The following RBPMS2 variants were observed in gnomAD, a reference collection of about 807,000 sequenced individuals.
RBPMS2 encodes RNA binding protein, mRNA processing factor 2, also known as RNA-binding protein with multiple splicing 2.
In RBPMS2, 14 loss-of-function variants were observed where a neutral mutation model predicts 25.7. That is an observed-to-expected ratio of 0.55 (90% CI 0.36 to 0.85). The LOEUF (loss-of-function observed/expected upper bound fraction) is 0.85, where lower values mean the gene tolerates loss of function less well. RBPMS2 is among the 40% of genes least tolerant of loss of function. The probability of loss-of-function intolerance (pLI) is 0.01; values close to 1 mark genes in which losing one functional copy is unlikely to be tolerated. For missense variants in RBPMS2, 252 were observed against 283.4 expected (o/e 0.89, Z 0.80); for synonymous variants, 127 against 115.6 (o/e 1.10, Z -0.63).
chr15:64,749,611 G>T (rs1329297349), intron 3 of RBPMS2, 118 bp from the exon 4 acceptor site: 5 of 875,182 alleles, frequency 5.7e-6, no homozygotes, highest in Non-Finnish European at 8.5e-6. Flanking sequence ...CTGCTGATGA[G>T]AATACAAAAG....
intron 6 of RBPMS2, among the ~76,000 whole-genome samples, chr15:64,742,645 G>A (rs192791482): frequency 7.4e-4 from 112 of 152,248 alleles, no homozygotes; most frequent in Admixed American, 3.6e-3. Context: ...CGGGGGGAGC[G>A]GGACAACACA....
intron 1 of RBPMS2, among the ~76,000 whole-genome samples, chr15:64,768,076 G>A (rs1238529395): frequency 1.3e-5 from 2 of 152,226 alleles, no homozygotes; most frequent in Non-Finnish European, 2.9e-5. Context: ...ATGTCCCCCA[G>A]AATATCAGCC....
intron 1 of RBPMS2, among the ~76,000 whole-genome samples, chr15:64,754,298 T>C (rs1452911483): frequency 1.4e-5 from 2 of 139,002 alleles, no homozygotes; most frequent in East Asian, 4.3e-4. Context: ...GGCGACAGAG[T>C]GAGACTCCAT....
chr15:64,749,118 A>G lies in RBPMS2; in HGVS notation c.300T>C (p.Thr100=). The change falls in exon 5 of 8, where the codon ACT becomes ACC. Residue 100 remains threonine, a synonymous_variant. Transcript: ENST00000300069. Reference sequence around the variant, plus strand: ...TGGCTTTGGCAAACTCTAGCCTCAGAGTCTGTGGATTTTCGGGATCAAAGC... The same window carrying G: ...TGGCTTTGGCAAACTCTAGCCTCAGGGTCTGTGGATTTTCGGGATCAAAGC... ...GIRFDPENPQ[T]LRLEFAKANT... The G allele has an allele frequency of 1.2e-6, 2 of 1,614,178 alleles. No individual in the cohort carries two copies. The highest frequency in any genetic ancestry group is 1.7e-6 in the Non-Finnish European group (2 of 1,180,034).
At chr15:64,767,072 C>A (rs1360930212) in intron 1 of RBPMS2, among the ~76,000 whole-genome samples, 1 of 152,098 alleles carries the variant, frequency 6.6e-6, no homozygotes, top group Admixed American at 6.6e-5. Flanking sequence ...GCATAAGCCA[C>A]CGAGTTTTTC....
chr15:64,755,415 G>T (rs769679472), intron 1 of RBPMS2, among the ~76,000 whole-genome samples: 1 of 152,060 alleles, frequency 6.6e-6, no homozygotes, highest in East Asian at 1.9e-4. Context: ...CCAAACACCC[G>T]CCTTGGTTCC....
Position 64,775,566 on chromosome 15 carries a change from C to A in RBPMS2, c.-247G>T. The A allele has an allele frequency of 6.7e-6, 1 of 148,720 alleles. No individual in the cohort carries two copies. The highest frequency in any genetic ancestry group is 3.4e-4 in the South Asian group (1 of 2,972). The allele number at this position is 148,720 out of a possible 1,614,324, so 9.2% of individuals were successfully genotyped here. On this transcript the variant is annotated 5_prime_UTR_variant, in exon 1 of 8. In the 5' UTR this introduces an upstream ATG that the reference lacks. Transcript: ENST00000300069. ...GAGCCGGAGGGGCCGCCGCCTCCGC[C>A]TTTTCACTGCGACCGGCGAGTGCGC...
At chr15:64,756,820 T>TA (rs1338726950) in intron 1 of RBPMS2, among the ~76,000 whole-genome samples, 2 of 5,438 alleles carry the variant, frequency 3.7e-4, no homozygotes, top group African/African-American at 4.7e-4. Flanking sequence ...TTTTTTTTTT[T>TA]GGAGAGACAG....
intron 1 of RBPMS2, among the ~76,000 whole-genome samples, chr15:64,760,884 TC>T (rs200832939): frequency 0.014 from 2,137 of 151,454 alleles, 34 homozygotes; most frequent in Non-Finnish European, 0.023. Context: ...TCCCCACTCT[TC>T]CCTGCCCACA....
chr15:64,749,154 C>T lies in RBPMS2; in HGVS notation c.268-4G>A, dbSNP rs140020906. The stretch of plus-strand genomic sequence containing the variant: ...TTTCGGGATCAAAGCGAATACCCTA[C>T]ATGGGTAGAGAAAAGAAGAGAAAGG... On this transcript the variant is annotated splice_region_variant and splice_polypyrimidine_tract_variant and intron_variant, in intron 4 of 7. Coordinates refer to ENST00000300069, the MANE Select transcript of RBPMS2 (RefSeq NM_194272.3). 1.9e-4 allele frequency: 300 copies of T among 1,613,898 alleles called. 2 individuals are homozygous for T. In the African/African-American group the frequency reaches 3.6e-3, roughly 19 times the overall value.
At chr15:64,754,989 G>A (rs1427452111) in intron 1 of RBPMS2, among the ~76,000 whole-genome samples, 2 of 152,116 alleles carry the variant, frequency 1.3e-5, no homozygotes, top group African/African-American at 2.4e-5. Flanking sequence ...GCAGACCCAC[G>A]GAAACCTCTG....
chr15:64,766,079 G>A (rs2083843644), intron 1 of RBPMS2, among the ~76,000 whole-genome samples: 1 of 152,186 alleles, frequency 6.6e-6, no homozygotes, highest in African/African-American at 2.4e-5. Context: ...TGAGGAGGGG[G>A]AGGTTGGTTA....
chr15:64,767,545 A>C (rs1009414427), intron 1 of RBPMS2, among the ~76,000 whole-genome samples: 4 of 152,188 alleles, frequency 2.6e-5, no homozygotes, highest in African/African-American at 9.6e-5. Context: ...CGAAGGATAA[A>C]AGGGTTCAGA....
At chr15:64,762,329 G>C in intron 1 of RBPMS2, 2 of 517,564 alleles carry the variant, frequency 3.9e-6, no homozygotes, top group South Asian at 2.8e-5. Context: ...GAGTGGCCTT[G>C]TGCCCCACTA....
intron 2 of RBPMS2, 113 bp from the exon 3 acceptor site, chr15:64,750,494 C>G (rs1321557611): frequency 4.3e-6 from 4 of 919,960 alleles, no homozygotes; most frequent in African/African-American, 3.2e-5. Context: ...ACACCCTTCT[C>G]CCTGTCAACA....
At chr15:64,771,117 T>C (rs548927536) in intron 1 of RBPMS2, among the ~76,000 whole-genome samples, 7 of 152,328 alleles carry the variant, frequency 4.6e-5, no homozygotes, top group South Asian at 2.1e-4. Context: ...CTCAACCCAA[T>C]AGTATAAATA....
intron 1 of RBPMS2, among the ~76,000 whole-genome samples, chr15:64,772,013 T>C (rs776252198): frequency 4.6e-5 from 7 of 152,208 alleles, no homozygotes; most frequent in Admixed American, 2.0e-4. Context: ...AACTCATCTC[T>C]AGATTATTCA....
At chr15:64,742,306 C>T (rs923860466) in intron 6 of RBPMS2, among the ~76,000 whole-genome samples, 1 of 152,246 alleles carries the variant, frequency 6.6e-6, no homozygotes, top group East Asian at 1.9e-4. Flanking sequence ...GACCTTCCCA[C>T]CCCTGCTGTG....
At chr15:64,770,008 G>A (rs898759057) in intron 1 of RBPMS2, among the ~76,000 whole-genome samples, 3 of 151,892 alleles carry the variant, frequency 2.0e-5, no homozygotes, top group Admixed American at 1.3e-4. Flanking sequence ...GTGAAACCCC[G>A]TCTCTGCTAA....
Sources: allele counts gnomAD v4.1 joint callset (sites outside exome capture counted in the v4.1 genomes callset), GRCh38; gene constraint gnomAD v4.1.1; transcripts MANE v1.5; gene names NCBI Gene and HGNC (gene_info 2026-07-23, HGNC 2026-07-21).